RCC2: variants seen among roughly 807,000 people sequenced by gnomAD.
RCC2 encodes the protein protein RCC2.
A neutral mutation model predicts 64.1 loss-of-function variants in RCC2; 19 were observed. The observed-to-expected ratio is 0.30, with a 90% CI of 0.21 to 0.44. The LOEUF (loss-of-function observed/expected upper bound fraction) is 0.44. RCC2 is among the 20% of genes least tolerant of loss of function. The probability of loss-of-function intolerance (pLI) is 1.00; values close to 1 mark genes in which losing one functional copy is unlikely to be tolerated. For synonymous variants in RCC2, 325 were observed against 279.6 expected, an observed-to-expected ratio of 1.16 and a Z score of -1.62; for missense variants, 508 against 710.4, an observed-to-expected ratio of 0.72 and a Z score of 3.24.
chr1:17,425,854 G>C (rs1239846363), intron 3 of RCC2, among the ~76,000 whole-genome samples, 170 bp from the exon 4 acceptor site: 2 of 152,176 alleles, frequency 1.3e-5, no homozygotes, highest in East Asian at 1.9e-4. Context: ...TTTTCACTTC[G>C]AATCTCTGCG....
intron 1 of RCC2, 127 bp from the exon 2 acceptor site, chr1:17,438,649 GTGGGCGGAGAGGGGGCGAGT>G (rs1037833739): frequency 2.0e-6 from 2 of 994,970 alleles, no homozygotes; most frequent in African/African-American, 3.4e-5. Flanking sequence ...CGGCCGCAGG[GTGGGCGGAGAGGGGGCGAGT>G]TGGGAGAGGA....
chr1:17,422,987 G>C (rs536584133), intron 4 of RCC2, 151 bp from the exon 5 acceptor site: 25 of 1,021,804 alleles, frequency 2.4e-5, no homozygotes, highest in Non-Finnish European at 3.6e-5. Context: ...CCAGAGCAAA[G>C]AACGCCCCGG....
chr1:17,429,953 A>G (rs1294787997), intron 2 of RCC2, among the ~76,000 whole-genome samples: 2 of 152,140 alleles, frequency 1.3e-5, no homozygotes, highest in African/African-American at 4.8e-5. Context: ...CAACTCTCAT[A>G]CTGTCAACGA....
At chr1:17,416,821 G>A (rs901631880) in intron 7 of RCC2, among the ~76,000 whole-genome samples, 175 bp from the exon 8 acceptor site, 1 of 152,242 alleles carries the variant, frequency 6.6e-6, no homozygotes, top group Non-Finnish European at 1.5e-5. Context: ...GCACAGCACA[G>A]TGAGTGGGTC....
intron 2 of RCC2, 36 bp from the exon 3 acceptor site, chr1:17,429,235 G>T (rs1384751716): frequency 2.0e-6 from 3 of 1,531,928 alleles, no homozygotes; most frequent in East Asian, 2.2e-5. Flanking sequence ...GAATTAGTGT[G>T]TAAGTCTGCA....
At chr1:17,424,274 G>A (rs142691538) in intron 4 of RCC2, among the ~76,000 whole-genome samples, 136 of 152,318 alleles carry the variant, frequency 8.9e-4, no homozygotes, top group African/African-American at 2.9e-3. Flanking sequence ...TCTGCTCGGG[G>A]ATCACACGTC....
In RCC2 at chr1:17,437,000, A is replaced by G. The variant is rs140036087; in HGVS notation, c.285+1230T>C. ...GACGGGCTCTCCTCCACTGCCTAAC[A>G]TGTTAACCCTTTCACCCAGAAGGCA... is the stretch of plus-strand genomic sequence containing the variant. On this transcript the variant is annotated intron_variant, in intron 2 of 12. Coordinates refer to ENST00000375436, the MANE Select transcript of RCC2 (RefSeq NM_018715.4). 2.8e-3 allele frequency among the ~76,000 whole-genome samples: 426 copies of G among 152,292 alleles called. 2 individuals carry two copies. Among genetic ancestry groups the G allele is most frequent in the South Asian group, 9.1e-3 (44 of 4,826 alleles).
chr1:17,413,277 A>C, intron 9 of RCC2, 99 bp from the exon 10 acceptor site: 1 of 960,902 alleles, frequency 1.0e-6, no homozygotes, highest in Non-Finnish European at 1.6e-6. Context: ...GATGGCAAAC[A>C]AGTGTTCTGT....
At chr1:17,431,353 AAAAAAAATAT>A (rs1345958274) in intron 2 of RCC2, among the ~76,000 whole-genome samples, 3 of 47,920 alleles carry the variant, frequency 6.3e-5, no homozygotes, top group Non-Finnish European at 1.3e-4. Context: ...AAAAAAAAAA[AAAAAAAATAT>A]ATATATATAT....
intron 6 of RCC2, among the ~76,000 whole-genome samples, chr1:17,421,549 G>A (rs573562109): frequency 6.6e-6 from 1 of 152,166 alleles, no homozygotes; most frequent in African/African-American, 2.4e-5. Context: ...CATCTGGCTG[G>A]TGACTTTATA....
intron 4 of RCC2, among the ~76,000 whole-genome samples, chr1:17,425,084 T>C (rs954273924): frequency 2.6e-5 from 4 of 152,058 alleles, no homozygotes; most frequent in African/African-American, 9.7e-5. Context: ...ACGAGGGCCA[T>C]GGCGGCAGGG....
At position 17,430,617 on chromosome 1, in the gene RCC2, C is replaced by T. The variant is rs546416554; in HGVS notation, c.286-1418G>A. ...CCTGGCCAATATGGTAAAACCCCGT[C>T]TCTACTAAAAATACAAAAAAATTAG... On this transcript the variant is annotated intron_variant, in intron 2 of 12. Coordinates refer to ENST00000375436, the MANE Select transcript of RCC2 (RefSeq NM_018715.4). Among the ~76,000 whole-genome samples, 16 of 152,282 alleles carry T rather than the reference C, an allele frequency of 1.1e-4. No homozygotes were observed. In the East Asian group the frequency reaches 2.3e-3, roughly 22 times the overall value.
rs7191 is a variant in RCC2, at chr1:17,407,068, T to G, written c.*2022A>C. Reference sequence around the variant, plus strand: ...GGATTTAACCCATTAGGAAGCCCATTTTTCAATCTAAGCCAGAAGGAGCTG... The same window carrying G: ...GGATTTAACCCATTAGGAAGCCCATGTTTCAATCTAAGCCAGAAGGAGCTG... On this transcript the variant is annotated 3_prime_UTR_variant, in exon 13 of 13. Transcript: ENST00000375436. The G allele has an allele frequency of 0.65, 99,507 of 152,100 alleles. 32,713 individuals are homozygous for G. Among genetic ancestry groups the G allele is most frequent in the African/African-American group, 0.7 (29,018 of 41,476 alleles). The allele number at this position is 152,100 out of a possible 1,614,324, so 9.4% of individuals were successfully genotyped here.
chr1:17,436,114 C>A (rs1166255365), intron 2 of RCC2, among the ~76,000 whole-genome samples: 1 of 152,090 alleles, frequency 6.6e-6, no homozygotes, highest in African/African-American at 2.4e-5. Flanking sequence ...CTTTTAGAGT[C>A]CTGCTTATAC....
chr1:17,438,133 C>T (rs1199972003), intron 2 of RCC2, 97 bp downstream of exon 2: 7 of 937,910 alleles, frequency 7.5e-6, no homozygotes, highest in Non-Finnish European at 7.9e-6. Context: ...GGGAGCGTGA[C>T]GCGAGGCGGC....
chr1:17,415,662 A>G (rs954925186), intron 8 of RCC2, among the ~76,000 whole-genome samples: 1 of 151,576 alleles, frequency 6.6e-6, no homozygotes, highest in Non-Finnish European at 1.5e-5. Context: ...GTGAGTTGAG[A>G]TCCCACCACT....
chr1:17,422,909 C>G lies in RCC2; in HGVS notation c.524-73G>C, dbSNP rs547617506. On this transcript the variant is annotated intron_variant, in intron 4 of 12. Coordinates refer to ENST00000375436, the MANE Select transcript of RCC2 (RefSeq NM_018715.4). ...CGGCACCACCAGGAGAAGGCGAGTA[C>G]AAACACACTCTCAAATGATGCCCAT... is the stretch of plus-strand genomic sequence containing the variant. The G allele has an allele frequency of 1.3e-4, 203 of 1,566,108 alleles. 1 individual carries two copies. The Admixed American group carries it at 3.4e-3, about 27-fold the overall frequency.
chr1:17,426,170 C>T (rs2075613903), intron 3 of RCC2, among the ~76,000 whole-genome samples: 1 of 152,188 alleles, frequency 6.6e-6, no homozygotes, highest in Non-Finnish European at 1.5e-5. Context: ...GCCTGCCCCT[C>T]CTTTCCCAGG....
intron 8 of RCC2, among the ~76,000 whole-genome samples, chr1:17,414,912 G>A (rs1475872258): frequency 4.6e-5 from 7 of 152,216 alleles, no homozygotes; most frequent in East Asian, 1.9e-4. Context: ...GAACCACTGC[G>A]CCCGGCCTGG....
Sources: gnomAD v4.1 joint callset for allele counts (sites outside exome capture counted in the v4.1 genomes callset) on GRCh38, gnomAD v4.1.1 for gene constraint, MANE v1.5 for transcripts, NCBI Gene and HGNC (gene_info 2026-07-23, HGNC 2026-07-21) for gene names.